The following PRLR variants were observed in gnomAD, a reference collection of about 807,000 sequenced individuals.
The protein encoded by PRLR is hPRL receptor.
A neutral mutation model predicts 40.2 loss-of-function variants in PRLR; 13 were observed. The ratio of observed to expected loss-of-function variants is 0.32; its 90% CI spans 0.21 to 0.51. PRLR has a LOEUF of 0.51. PRLR is among the 20% of genes least tolerant of loss of function. The pLI is 0.97. For missense variants in PRLR, 656 were observed against 747.3 expected, an observed-to-expected ratio of 0.88 and a Z score of 1.42; for synonymous variants, 269 against 278.7, an observed-to-expected ratio of 0.97 and a Z score of 0.35.
At chr5:35,120,831 TGA>T (rs1457719408) in intron 1 of PRLR, among the ~76,000 whole-genome samples, 2 of 152,204 alleles carry the variant, frequency 1.3e-5, no homozygotes, top group African/African-American at 4.8e-5. Flanking sequence ...AAGCAGAAGT[TGA>T]GAGAGTTTTT....
chr5:35,067,476 A>G (rs1472921496), intron 9 of PRLR, among the ~76,000 whole-genome samples: 1 of 152,134 alleles, frequency 6.6e-6, no homozygotes, highest in African/African-American at 2.4e-5. Flanking sequence ...AACCAAAGTG[A>G]ACACAGACAA....
At chr5:35,224,023 A>C (rs1002638837) in intron 1 of PRLR, among the ~76,000 whole-genome samples, 7 of 152,218 alleles carry the variant, frequency 4.6e-5, no homozygotes, top group Non-Finnish European at 8.8e-5. Context: ...ATGTCGCAGG[A>C]GCTTGGTGAT....
chr5:35,134,449 A>G (rs1478546405), intron 1 of PRLR, among the ~76,000 whole-genome samples: 2 of 152,192 alleles, frequency 1.3e-5, no homozygotes, highest in Non-Finnish European at 2.9e-5. Context: ...GGATATCTCC[A>G]GGGTCCAAAG....
At position 35,064,276 on chromosome 5, in the gene PRLR, T is replaced by C. The variant is rs1479537333; in HGVS notation, c.*813A>G. ...TTAGCATCCTGCTGTGGTTTTCTTT[T>C]CAAGTTAGTCTTTAGGGAATTTTTT... is the stretch of plus-strand genomic sequence containing the variant. On this transcript the variant is annotated 3_prime_UTR_variant, in exon 10 of 10. Coordinates refer to ENST00000618457, the MANE Select transcript of PRLR (RefSeq NM_000949.7). The C allele has an allele frequency of 6.6e-6, 1 of 152,230 alleles. No homozygotes were observed. Among genetic ancestry groups the C allele is most frequent in the Non-Finnish European group, 1.5e-5 (1 of 68,034 alleles). The allele number at this position is 152,230 out of a possible 1,614,324, so 9.4% of individuals were successfully genotyped here.
At chr5:35,088,786 T>C (rs1771018945) in intron 3 of PRLR, among the ~76,000 whole-genome samples, 1 of 151,954 alleles carries the variant, frequency 6.6e-6, no homozygotes, top group Non-Finnish European at 1.5e-5. Flanking sequence ...CACAAAAATA[T>C]ACACAGGTGC....
chr5:35,172,645 C>A (rs1775035116), intron 1 of PRLR, among the ~76,000 whole-genome samples: 2 of 152,192 alleles, frequency 1.3e-5, no homozygotes, highest in South Asian at 4.1e-4. Flanking sequence ...AAGCCCTTCT[C>A]AGTTTGTCCT....
At chr5:35,155,626 A>C (rs1473546970) in intron 1 of PRLR, among the ~76,000 whole-genome samples, 1 of 152,218 alleles carries the variant, frequency 6.6e-6, no homozygotes. Flanking sequence ...TTCACAGTTG[A>C]TGAAATGGGC....
chr5:35,066,135 G>A (rs960465113), intron 9 of PRLR, 33 bp from the exon 10 acceptor site: 5 of 1,579,898 alleles, frequency 3.2e-6, no homozygotes, highest in Admixed American at 3.4e-5. Flanking sequence ...AGAGATGGCT[G>A]TTAGCTTCAT....
At chr5:35,181,445 A>G (rs1391121416) in intron 1 of PRLR, among the ~76,000 whole-genome samples, 2 of 152,326 alleles carry the variant, frequency 1.3e-5, no homozygotes, top group Admixed American at 6.5e-5. Flanking sequence ...ATTTTGAATT[A>G]TATCATGTGT....
chr5:35,125,169 C>A (rs1773416868), intron 1 of PRLR, among the ~76,000 whole-genome samples: 1 of 152,136 alleles, frequency 6.6e-6, no homozygotes, highest in African/African-American at 2.4e-5. Flanking sequence ...CATGAGAGGA[C>A]CAAATCAGCA....
intron 1 of PRLR, among the ~76,000 whole-genome samples, chr5:35,145,307 T>A (rs1774151337): frequency 1.3e-5 from 2 of 152,146 alleles, no homozygotes; most frequent in African/African-American, 4.8e-5. Context: ...AGAAGAGATA[T>A]GTTTCTCTCC....
At position 35,065,234 on chromosome 5, in the gene PRLR, G is replaced by A. The variant is rs1411946204; in HGVS notation, c.1724C>T (p.Ser575Leu). 6.2e-7 allele frequency: 1 copy of A among 1,614,026 alleles called. No homozygotes were observed. Among genetic ancestry groups the A allele is most frequent in the African/African-American group, 1.3e-5 (1 of 74,908 alleles). ...AAGTGATGGTGGGGCCTCTTTGGCT[G>A]ATTCTTCAAAGCAAGCCACGTTTTT... is the stretch of plus-strand genomic sequence containing the variant. The part of the protein sequence containing the change: ...HAKNVACFEE[S>L]AKEAPPSLEQ... The change falls in exon 10 of 10, where the codon TCA (serine) becomes TTA (leucine). Residue 575 changes from serine to leucine, a missense_variant. Ser to Leu is a moderately radical substitution (Grantham distance 145). Coordinates refer to ENST00000618457, the MANE Select transcript of PRLR (RefSeq NM_000949.7).
chr5:35,218,787 ATTT>A (rs926610261), intron 1 of PRLR, among the ~76,000 whole-genome samples: 1 of 148,252 alleles, frequency 6.7e-6, no homozygotes, highest in Non-Finnish European at 1.5e-5. Flanking sequence ...TCTTTTTTTA[ATTT>A]TTTTTTTTTA....
At chr5:35,105,624 T>A (rs1305353400) in intron 2 of PRLR, among the ~76,000 whole-genome samples, 1 of 152,026 alleles carries the variant, frequency 6.6e-6, no homozygotes, top group Non-Finnish European at 1.5e-5. Flanking sequence ...GAAGAAAGGG[T>A]ATCAGTGACT....
chr5:35,199,583 GA>G (rs201438975), intron 1 of PRLR, among the ~76,000 whole-genome samples: 1 of 39,284 alleles, frequency 2.5e-5, no homozygotes, highest in African/African-American at 7.4e-5. Flanking sequence ...ATTGGAAATT[GA>G]AAAAAAAATC....
intron 1 of PRLR, among the ~76,000 whole-genome samples, chr5:35,217,093 C>T (rs112588350): frequency 1.1e-4 from 17 of 152,314 alleles, no homozygotes; most frequent in African/African-American, 2.9e-4. Context: ...CTCCACGTAT[C>T]CTTCTGGACA....
chr5:35,170,782 A>T lies in PRLR; in HGVS notation c.-105-52660T>A, dbSNP rs978888040. On this transcript the variant is annotated intron_variant, in intron 1 of 9. Transcript: ENST00000618457. ...TGACTTCAAAATTTAATATGCCCTA[A>T]AACATCTATTGTGAGCACAGATTTA... 3.3e-5 allele frequency among the ~76,000 whole-genome samples: 5 copies of T among 152,250 alleles called. No homozygotes were observed. In the East Asian group the frequency reaches 9.6e-4, roughly 29 times the overall value.
At chr5:35,173,144 C>T (rs1172867515) in intron 1 of PRLR, among the ~76,000 whole-genome samples, 3 of 152,136 alleles carry the variant, frequency 2.0e-5, no homozygotes, top group Non-Finnish European at 2.9e-5. Flanking sequence ...CTGATTCAAA[C>T]GTTCTCCTAT....
chr5:35,129,637 A>G (rs1412175631), intron 1 of PRLR, among the ~76,000 whole-genome samples: 1 of 151,536 alleles, frequency 6.6e-6, no homozygotes, highest in Non-Finnish European at 1.5e-5. Flanking sequence ...AAACATCACC[A>G]CTGTAGTGAT....
Sources: allele counts gnomAD v4.1 joint callset (sites outside exome capture counted in the v4.1 genomes callset), GRCh38; gene constraint gnomAD v4.1.1; transcripts MANE v1.5; gene names NCBI Gene and HGNC (gene_info 2026-07-23, HGNC 2026-07-21).